Variants in ERC2 observed in about 807,000 individuals in gnomAD.
ERC2 encodes the protein ERC protein 2.
ERC2 carries 42 observed loss-of-function variants against 114.8 expected under a neutral mutation model. That is an observed-to-expected ratio of 0.37 (90% CI 0.29 to 0.47). The LOEUF (loss-of-function observed/expected upper bound fraction) is 0.47. ERC2 is among the 20% of genes least tolerant of loss of function. The pLI is 0.99. For missense variants in ERC2, 939 were observed against 1,150.7 expected (o/e 0.82, Z 2.66); for synonymous variants, 454 against 425.5 (o/e 1.07, Z -0.82).
intron 17 of ERC2, among the ~76,000 whole-genome samples, chr3:55,566,320 G>T (rs2056370785): frequency 6.6e-6 from 1 of 152,160 alleles, no homozygotes; most frequent in African/African-American, 2.4e-5. Flanking sequence ...GATGCGCAAG[G>T]AACAAAGTAG....
At chr3:55,985,654 G>A (rs2070560665) in intron 12 of ERC2, among the ~76,000 whole-genome samples, 1 of 152,170 alleles carries the variant, frequency 6.6e-6, no homozygotes, top group South Asian at 2.1e-4. Context: ...GCTCCACGTT[G>A]TATCATCCTG....
chr3:56,295,283 C>T (rs1257350977), intron 3 of ERC2, among the ~76,000 whole-genome samples: 3 of 152,186 alleles, frequency 2.0e-5, no homozygotes, highest in Non-Finnish European at 4.4e-5. Context: ...GGTCCATATC[C>T]ACCACAGTGG....
chr3:56,333,405 T>C (rs1025427238), intron 2 of ERC2, among the ~76,000 whole-genome samples: 1 of 152,392 alleles, frequency 6.6e-6, no homozygotes, highest in South Asian at 2.1e-4. Flanking sequence ...GAAGAATGGC[T>C]AACTTTGTGG....
intron 2 of ERC2, among the ~76,000 whole-genome samples, chr3:56,311,819 ATGTGTGTGTGTG>A (rs10536094): frequency 7.0e-5 from 10 of 142,860 alleles, no homozygotes; most frequent in African/African-American, 1.3e-4. Flanking sequence ...ATACATATAA[ATGTGTGTGTGTG>A]TGTGTGTGTG....
At position 55,572,842 on chromosome 3, in the gene ERC2, A is replaced by G. The variant is rs377087353; in HGVS notation, c.*40-61566T>C. Among the ~76,000 whole-genome samples the G allele has an allele frequency of 9.2e-5, 14 of 152,356 alleles. No individual in the cohort carries two copies. The East Asian group carries it at 2.1e-3, about 23-fold the overall frequency. On this transcript the variant is annotated intron_variant, in intron 17 of 17. Coordinates refer to ENST00000288221, the MANE Select transcript of ERC2 (RefSeq NM_015576.3). Reference sequence around the variant, plus strand: ...TCATTACAGTGAGGCAGTTGCCCCCAGATGATCCCACTAAGGGGTTTTTTC... The same window carrying G: ...TCATTACAGTGAGGCAGTTGCCCCCGGATGATCCCACTAAGGGGTTTTTTC...
At chr3:55,572,051 C>G (rs930598540) in intron 17 of ERC2, among the ~76,000 whole-genome samples, 1 of 152,226 alleles carries the variant, frequency 6.6e-6, no homozygotes, top group Non-Finnish European at 1.5e-5. Flanking sequence ...GTCTGTGCAG[C>G]CCAGGAAGGC....
rs556917292 is a variant in ERC2 at position 56,369,966 on chromosome 3, C to T, written c.657+64385G>A. Among the ~76,000 whole-genome samples the T allele has an allele frequency of 1.3e-3, 195 of 152,310 alleles. 2 individuals are homozygous for T. Among genetic ancestry groups the T allele is most frequent in the African/African-American group, 4.3e-3 (180 of 41,564 alleles). Reference sequence around the variant, plus strand: ...CTGGGATTATAGGCATGAGCCACCACGCCCGGCCTGGATACTACTTCTTTT... The same window carrying T: ...CTGGGATTATAGGCATGAGCCACCATGCCCGGCCTGGATACTACTTCTTTT... On this transcript the variant is annotated intron_variant, in intron 2 of 17. Coordinates refer to ENST00000288221, the MANE Select transcript of ERC2 (RefSeq NM_015576.3).
At chr3:56,140,086 A>AG (rs2080763688) in intron 5 of ERC2, among the ~76,000 whole-genome samples, 1 of 152,230 alleles carries the variant, frequency 6.6e-6, no homozygotes, top group African/African-American at 2.4e-5. Context: ...TAATCATTCA[A>AG]GGGCATCATT....
intron 3 of ERC2, among the ~76,000 whole-genome samples, chr3:56,237,433 G>T (rs190120040): frequency 6.6e-6 from 1 of 152,304 alleles, no homozygotes; most frequent in African/African-American, 2.4e-5. Context: ...TGATCAGGGA[G>T]AAAAGCATAT....
At chr3:55,846,822 T>C (rs1013084015) in intron 14 of ERC2, among the ~76,000 whole-genome samples, 1 of 152,104 alleles carries the variant, frequency 6.6e-6, no homozygotes, top group South Asian at 2.1e-4. Context: ...TCAAAGCCCT[T>C]AATGAGATAT....
intron 14 of ERC2, among the ~76,000 whole-genome samples, chr3:55,816,089 C>G (rs982462917): frequency 1.3e-5 from 2 of 152,222 alleles, no homozygotes; most frequent in African/African-American, 2.4e-5. Flanking sequence ...GTCTTTCAGA[C>G]TTTCAGAGGA....
At chr3:56,158,619 A>G (rs774465140) in intron 4 of ERC2, among the ~76,000 whole-genome samples, 2 of 152,062 alleles carry the variant, frequency 1.3e-5, no homozygotes, top group Non-Finnish European at 2.9e-5. Flanking sequence ...TCATGGACCC[A>G]TTTCCCAGAT....
intron 2 of ERC2, among the ~76,000 whole-genome samples, chr3:56,345,126 T>C (rs1363902952): frequency 2.6e-5 from 4 of 152,200 alleles, no homozygotes; most frequent in Non-Finnish European, 5.9e-5. Flanking sequence ...ATGGCTATAT[T>C]CCAATAAAAC....
intron 13 of ERC2, among the ~76,000 whole-genome samples, chr3:55,906,363 C>T (rs1276720939): frequency 7.1e-6 from 1 of 139,864 alleles, no homozygotes; most frequent in Non-Finnish European, 1.5e-5. Context: ...ACCCGGGAGG[C>T]GGAGCTTGCA....
intron 2 of ERC2, among the ~76,000 whole-genome samples, chr3:56,388,278 C>A (rs1346243636): frequency 6.6e-6 from 1 of 152,122 alleles, no homozygotes; most frequent in Non-Finnish European, 1.5e-5. Context: ...TGGTGCCATT[C>A]TCCGGGTAAT....
chr3:56,409,226 T>A (rs2060846583), intron 2 of ERC2, among the ~76,000 whole-genome samples: 1 of 152,196 alleles, frequency 6.6e-6, no homozygotes, highest in Admixed American at 6.5e-5. Context: ...GTGTCCAGGC[T>A]CACCAAATTG....
At chr3:55,603,360 C>T (rs1165262413) in intron 17 of ERC2, among the ~76,000 whole-genome samples, 7 of 152,176 alleles carry the variant, frequency 4.6e-5, no homozygotes, top group East Asian at 3.9e-4. Flanking sequence ...CAGCCGGGTG[C>T]GGTGGCTCAC....
intron 12 of ERC2, among the ~76,000 whole-genome samples, chr3:55,959,440 G>A (rs1308329001): frequency 2.0e-5 from 3 of 152,132 alleles, no homozygotes; most frequent in African/African-American, 7.2e-5. Context: ...AGAGATCCTG[G>A]GTGACTGCAG....
intron 14 of ERC2, among the ~76,000 whole-genome samples, chr3:55,778,203 A>G (rs984732228): frequency 3.9e-5 from 6 of 152,212 alleles, no homozygotes; most frequent in Non-Finnish European, 7.3e-5. Context: ...AATGCACACA[A>G]GATTGGAAAA....
Sources: allele counts gnomAD v4.1 joint callset (sites outside exome capture counted in the v4.1 genomes callset), GRCh38; gene constraint gnomAD v4.1.1; transcripts MANE v1.5; gene names NCBI Gene and HGNC (gene_info 2026-07-23, HGNC 2026-07-21).